MTHFD2L: variants seen among roughly 807,000 people sequenced by gnomAD.
MTHFD2L encodes bifunctional methylenetetrahydrofolate dehydrogenase/cyclohydrolase 2, mitochondrial.
In MTHFD2L, 29 loss-of-function variants were observed where a neutral mutation model predicts 34.9. That is an observed-to-expected ratio of 0.83 (90% CI 0.62 to 1.13). MTHFD2L has a LOEUF of 1.13. MTHFD2L is among the 50% of genes most tolerant of loss of function. The probability of loss-of-function intolerance (pLI) is 0.00; values close to 1 mark genes in which losing one functional copy is unlikely to be tolerated. For missense variants in MTHFD2L, 481 were observed against 446.5 expected, an observed-to-expected ratio of 1.08 and a Z score of -0.70; for synonymous variants, 167 against 155.7, an observed-to-expected ratio of 1.07 and a Z score of -0.54.
At chr4:74,282,690 C>A (rs534344123) in intron 7 of MTHFD2L, among the ~76,000 whole-genome samples, 1 of 152,148 alleles carries the variant, frequency 6.6e-6, no homozygotes, top group East Asian at 1.9e-4. Flanking sequence ...GTTCTAGAGA[C>A]AAAATGGTGT....
intron 3 of MTHFD2L, among the ~76,000 whole-genome samples, chr4:74,181,229 G>A (rs1292808201): frequency 6.6e-6 from 1 of 152,056 alleles, no homozygotes; most frequent in African/African-American, 2.4e-5. Flanking sequence ...TTAGATCTAA[G>A]GCTGAAAACA....
At chr4:74,253,876 C>T (rs1743647423) in intron 6 of MTHFD2L, among the ~76,000 whole-genome samples, 1 of 152,154 alleles carries the variant, frequency 6.6e-6, no homozygotes, top group Non-Finnish European at 1.5e-5. Flanking sequence ...GCTCCATGGA[C>T]CCAAGCCCCT....
chr4:74,244,745 T>C (rs1489578414), intron 6 of MTHFD2L, among the ~76,000 whole-genome samples: 1 of 152,192 alleles, frequency 6.6e-6, no homozygotes, highest in Non-Finnish European at 1.5e-5. Context: ...GGCTTCAAAT[T>C]CTACATTGCA....
At chr4:74,146,964 A>C (rs1723630786) in intron 1 of MTHFD2L, among the ~76,000 whole-genome samples, 1 of 151,864 alleles carries the variant, frequency 6.6e-6, no homozygotes, top group African/African-American at 2.4e-5. Flanking sequence ...CAGCAAGTGG[A>C]TCTCTCAGTT....
chr4:74,244,404 T>A (rs947449848), intron 6 of MTHFD2L, among the ~76,000 whole-genome samples: 1 of 152,182 alleles, frequency 6.6e-6, no homozygotes, highest in African/African-American at 2.4e-5. Context: ...GGTTCCAAAG[T>A]CACCCAGGTG....
At chr4:74,157,278 C>T (rs569845713), upstream of MTHFD2L, 16 of 207,200 alleles carry the variant, frequency 7.7e-5, no homozygotes, top group South Asian at 1.2e-3. Context: ...AAAAGTGCAG[C>T]TATGAAAGAC....
chr4:74,191,830 T>C (rs1578414048), intron 3 of MTHFD2L, among the ~76,000 whole-genome samples: 2 of 152,284 alleles, frequency 1.3e-5, no homozygotes, highest in East Asian at 1.9e-4. Context: ...GTGCTAGGAT[T>C]ACAGGCATGA....
At chr4:74,275,084 A>G (rs976494414) in intron 6 of MTHFD2L, among the ~76,000 whole-genome samples, 2 of 151,864 alleles carry the variant, frequency 1.3e-5, no homozygotes, top group Non-Finnish European at 2.9e-5. Context: ...TAGGTTAGCT[A>G]TTTGTCCTGA....
chr4:74,176,028 T>G (rs1728968793), intron 3 of MTHFD2L, among the ~76,000 whole-genome samples: 1 of 152,082 alleles, frequency 6.6e-6, no homozygotes, highest in African/African-American at 2.4e-5. Flanking sequence ...TTTTGTCTAT[T>G]CTACTTTCAA....
In MTHFD2L at chr4:74,235,282, T is replaced by C. The variant is rs1050655300; in HGVS notation, c.805+9888T>C. On this transcript the variant is annotated intron_variant, in intron 6 of 7. Coordinates refer to ENST00000325278, the MANE Select transcript of MTHFD2L (RefSeq NM_001144978.3). ...TAGCATTGATGTAGTTCTACACTAA[T>C]ACAGGAGTAGATGAAAGTGAGAAGG... Among the ~76,000 whole-genome samples the C allele has an allele frequency of 5.9e-5, 9 of 152,126 alleles. 1 individual carries two copies. Among genetic ancestry groups the C allele is most frequent in the Admixed American group, 4.6e-4 (7 of 15,252 alleles).
chr4:74,263,114 C>T (rs1744880636), intron 6 of MTHFD2L, among the ~76,000 whole-genome samples: 1 of 151,568 alleles, frequency 6.6e-6, no homozygotes, highest in Non-Finnish European at 1.5e-5. Context: ...TATATGTATA[C>T]ATATGTATGT....
chr4:74,126,137 C>A (rs531301209), intron 1 of MTHFD2L, among the ~76,000 whole-genome samples: 27 of 152,226 alleles, frequency 1.8e-4, no homozygotes, highest in African/African-American at 6.3e-4. Flanking sequence ...TACTGTAAGT[C>A]CTCACTTAAC....
Position 74,130,326 on chromosome 4 carries a change from C to T in MTHFD2L, c.-297+4809C>T, listed in dbSNP as rs184503739. Among the ~76,000 whole-genome samples the T allele has an allele frequency of 1.1e-4, 16 of 152,142 alleles. No homozygotes were observed. In the East Asian group the frequency reaches 2.1e-3, roughly 20 times the overall value. ...CCAATATCCCTGATGAACATTGATG[C>T]GAAAATCCTCCATAAAATACTGGCA... On this transcript the variant is annotated intron_variant, in intron 1 of 7. Coordinates refer to the MTHFD2L transcript ENST00000433372.
At chr4:74,151,110 T>C (rs763538211) in intron 1 of MTHFD2L, among the ~76,000 whole-genome samples, 4 of 152,104 alleles carry the variant, frequency 2.6e-5, no homozygotes, top group African/African-American at 9.7e-5. Context: ...TATAGATATA[T>C]ACAGTATATA....
At chr4:74,245,379 A>G (rs1742286518) in intron 6 of MTHFD2L, among the ~76,000 whole-genome samples, 1 of 152,002 alleles carries the variant, frequency 6.6e-6, no homozygotes, top group Non-Finnish European at 1.5e-5. Flanking sequence ...CAAAATAAAC[A>G]TTTAATTCAT....
At chr4:74,298,413 C>G (rs1329381427) in intron 7 of MTHFD2L, among the ~76,000 whole-genome samples, 2 of 151,976 alleles carry the variant, frequency 1.3e-5, no homozygotes, top group Admixed American at 6.6e-5. Flanking sequence ...TGCAAAAATG[C>G]AGACACTGAG....
At chr4:74,296,146 T>C (rs1403402390) in intron 7 of MTHFD2L, among the ~76,000 whole-genome samples, 3 of 152,148 alleles carry the variant, frequency 2.0e-5, no homozygotes, top group Non-Finnish European at 4.4e-5. Flanking sequence ...CAGTGACTAA[T>C]TGAATATAGG....
At chr4:74,208,414 C>G (rs475236) in intron 5 of MTHFD2L, among the ~76,000 whole-genome samples, 142,896 of 152,224 alleles carry the variant, frequency 0.94, 67,446 homozygotes, top group Non-Finnish European at 0.99. Flanking sequence ...AGACAACTGG[C>G]ACTATCACAC....
intron 5 of MTHFD2L, among the ~76,000 whole-genome samples, chr4:74,204,624 A>G (rs545547737): frequency 3.3e-5 from 5 of 152,312 alleles, no homozygotes; most frequent in Admixed American, 6.5e-5. Context: ...GTACTTTACA[A>G]TATATTTTTA....
Sources: gnomAD v4.1 joint callset for allele counts (sites outside exome capture counted in the v4.1 genomes callset) on GRCh38, gnomAD v4.1.1 for gene constraint, MANE v1.5 for transcripts, NCBI Gene and HGNC (gene_info 2026-07-23, HGNC 2026-07-21) for gene names.